Variants in STAG2 observed in about 807,000 individuals in gnomAD.
The protein encoded by STAG2 is STAG2 cohesin complex component.
A neutral mutation model predicts 108.1 loss-of-function variants in STAG2; 14 were observed. The ratio of observed to expected loss-of-function variants is 0.13; its 90% CI spans 0.09 to 0.20. The LOEUF (loss-of-function observed/expected upper bound fraction) is 0.20, where lower values mean the gene tolerates loss of function less well. Among genes scored for constraint, STAG2 ranks in the 10% least tolerant of loss-of-function variants. The pLI, the probability that STAG2 is intolerant of heterozygous loss-of-function variation, is 1.00. For missense variants in STAG2, 440 were observed against 940.9 expected (o/e 0.47, Z 6.96); for synonymous variants, 307 against 302.7 (o/e 1.01, Z -0.15).
At chrX:124,083,730 C>G (rs766979848) in intron 29 of STAG2, among the ~76,000 whole-genome samples, 181 bp downstream of exon 29, 5 of 112,038 alleles carry the variant, frequency 4.5e-5, no homozygotes, top group African/African-American at 1.6e-4. Context: ...ATGCATAATA[C>G]TCTATTTTAA....
At chrX:124,093,888 A>G (rs1329058480) in intron 32 of STAG2, 130 bp from the exon 33 acceptor site, 1 of 698,371 alleles carries the variant, frequency 1.4e-6, no homozygotes, top group Non-Finnish European at 2.1e-6. Context: ...ATCAATGCCT[A>G]ATCATTCTCC....
chrX:124,015,472 TC>T (rs1350931827), intron 1 of STAG2, among the ~76,000 whole-genome samples: 1 of 106,185 alleles, frequency 9.4e-6, no homozygotes, highest in Non-Finnish European at 1.9e-5. Context: ...GCAACCTCTG[TC>T]CCCCGGGTTC....
At chrX:124,096,902 G>A (rs1318739693) in intron 34 of STAG2, among the ~76,000 whole-genome samples, 1 of 112,417 alleles carries the variant, frequency 8.9e-6, no homozygotes, top group African/African-American at 3.2e-5. Flanking sequence ...CAAGGGGCCG[G>A]GCTCAGTGGC....
intron 34 of STAG2, 101 bp from the exon 35 acceptor site, chrX:124,100,473 T>C (rs1160315985): frequency 6.9e-6 from 5 of 723,097 alleles, no homozygotes; most frequent in South Asian, 5.2e-5. Flanking sequence ...TTTATTAGCA[T>C]GTTATTTAAC....
chrX:124,066,491 A>G (rs773434283), intron 23 of STAG2, 55 bp downstream of exon 23: 1 of 877,389 alleles, frequency 1.1e-6, no homozygotes. Context: ...AACTGTTTTC[A>G]GCAAACTCAC....
chrX:124,095,308 C>T (rs2148509668), intron 33 of STAG2, 64 bp from the exon 34 acceptor site: 1 of 887,117 alleles, frequency 1.1e-6, no homozygotes, highest in Non-Finnish European at 1.7e-6. Flanking sequence ...TGGATATTTT[C>T]AGTTACTATC....
At chrX:123,985,667 C>T (rs1323846400) in intron 1 of STAG2, among the ~76,000 whole-genome samples, 1 of 110,014 alleles carries the variant, frequency 9.1e-6, no homozygotes, top group African/African-American at 3.3e-5. Context: ...AACTCCTGGG[C>T]TCCAGTAATC....
In STAG2 at chrX:124,086,162, A is replaced by AC. The variant is rs199601832; in HGVS notation, c.3054-385_3054-384insC. Among the ~76,000 whole-genome samples, 408 of 110,551 alleles carry AC rather than the reference A, an allele frequency of 3.7e-3. 1 individual carries two copies. Among genetic ancestry groups the AC allele is most frequent in the African/African-American group, 0.012 (377 of 30,453 alleles). Reference sequence around the variant, plus strand: ...AATAGTTAAGGAACCTGAGGAAAAAAAAAATATCTAGCACATAGTCGTCAC... The same window carrying AC: ...AATAGTTAAGGAACCTGAGGAAAAAACAAAATATCTAGCACATAGTCGTCAC... On this transcript the variant is annotated intron_variant, in intron 29 of 34. Coordinates refer to ENST00000371145, the MANE Select transcript of STAG2 (RefSeq NM_001042750.2).
At chrX:124,000,216 C>G (rs1446210890) in intron 1 of STAG2, among the ~76,000 whole-genome samples, 1 of 111,471 alleles carries the variant, frequency 9.0e-6, no homozygotes, top group Non-Finnish European at 1.9e-5. Context: ...CAGTGCATTT[C>G]TCATGTGTTT....
At chrX:124,031,243 A>G (rs1208220822) in intron 5 of STAG2, 118 bp downstream of exon 5, 1 of 736,514 alleles carries the variant, frequency 1.4e-6, no homozygotes, top group Non-Finnish European at 1.8e-6. Flanking sequence ...TATTAGAAAA[A>G]AGCAACAAAA....
chrX:123,968,155 T>G (rs1231524945), intron 1 of STAG2, among the ~76,000 whole-genome samples: 3 of 111,548 alleles, frequency 2.7e-5, no homozygotes, highest in African/African-American at 9.8e-5. Context: ...TGCCTCAGCC[T>G]CCCCAAGTGC....
chrX:124,003,576 C>A (rs1338983677), intron 1 of STAG2: 1 of 109,836 alleles, frequency 9.1e-6, no homozygotes, highest in Non-Finnish European at 1.9e-5. Flanking sequence ...CGCCTGCCAC[C>A]ACGCCCGGCA....
chrX:124,055,904 T>G (rs2148264544), intron 13 of STAG2, among the ~76,000 whole-genome samples: 1 of 112,308 alleles, frequency 8.9e-6, no homozygotes, highest in South Asian at 3.6e-4. Flanking sequence ...TTTTAAACGT[T>G]TATTTGTTTA....
At chrX:124,071,422 T>A in intron 25 of STAG2, 99 bp downstream of exon 25, 1 of 696,089 alleles carries the variant, frequency 1.4e-6, no homozygotes, top group Non-Finnish European at 2.0e-6. Context: ...TATTTTATCC[T>A]TAAAAACGTG....
At position 123,969,121 on chromosome X, in the gene STAG2, TTGC is replaced by T. The variant is rs781318667; in HGVS notation, c.-163+7269_-163+7271del. Among the ~76,000 whole-genome samples the T allele has an allele frequency of 5.4e-3, 608 of 112,191 alleles. 2 individuals are homozygous for T. Among genetic ancestry groups the T allele is most frequent in the Non-Finnish European group, 9.0e-3 (481 of 53,257 alleles). Reference sequence around the variant, plus strand: ...AGATTTTTACCCAGAGTCAGATAAGTTGCTGCCTGAGGTCTATATTGTCTTTTA... The same window carrying T: ...AGATTTTTACCCAGAGTCAGATAAGTTGCCTGAGGTCTATATTGTCTTTTA... On this transcript the variant is annotated intron_variant, in intron 1 of 34. Coordinates refer to ENST00000371145, the MANE Select transcript of STAG2 (RefSeq NM_001042750.2).
chrX:124,066,356 A>G lies in STAG2; in HGVS notation c.2185A>G (p.Ile729Val). Residue 729 changes from isoleucine (I) to valine (V), a missense_variant and splice_region_variant, in exon 23 of 35, where the codon ATT becomes GTT. By Grantham distance (29) the Ile-to-Val change is conservative (BLOSUM62 3). Coordinates refer to ENST00000371145, the MANE Select transcript of STAG2 (RefSeq NM_001042750.2). ...GIENGDMPEQIVIHALQCTHY... is the reference protein window; with the variant it reads ...GIENGDMPEQVVIHALQCTHY... ...CTGTATCCTTTGATTCTTTTTACAG[A>G]TTGTTATTCACGCACTGCAGTGTAC... The G allele has an allele frequency of 8.3e-7, 1 of 1,201,890 alleles. No homozygotes were observed. The highest frequency in any genetic ancestry group is 1.1e-6 in the Non-Finnish European group (1 of 889,359).
In STAG2 at chrX:124,037,552, C is replaced by A; in HGVS notation, c.314C>A (p.Ser105Ter). ...MQSVVDDWIE[S>*]YKHDRDIALL... ...TCGGTGGTAGATGATTGGATAGAATCATACAAGCATGACCGAGATATAGCA... is the reference window on the plus strand; with the variant it reads ...TCGGTGGTAGATGATTGGATAGAATAATACAAGCATGACCGAGATATAGCA... The change falls in exon 6 of 35, where the codon TCA becomes TAA. Residue 105 changes from serine (S) to a stop codon, truncating the protein, a stop_gained. Coordinates refer to ENST00000371145, the MANE Select transcript of STAG2 (RefSeq NM_001042750.2). LOFTEE classifies it high-confidence loss of function. 1.7e-6 allele frequency: 2 copies of A among 1,186,159 alleles called. No homozygotes were observed. The highest frequency in any genetic ancestry group is 3.7e-5 in the South Asian group (2 of 54,561).
At chrX:124,028,006 A>G (rs777144651) in intron 4 of STAG2, among the ~76,000 whole-genome samples, 13 of 111,581 alleles carry the variant, frequency 1.2e-4, no homozygotes, top group South Asian at 3.8e-4. Context: ...GACAGGGACT[A>G]TTGAGGCATT....
rs1331202920 is a variant in STAG2 at position 124,101,983 on chromosome X, A to G, written c.*1386A>G. The G allele has an allele frequency of 1.3e-5, 2 of 159,705 alleles. No homozygotes were observed. Among genetic ancestry groups the G allele is most frequent in the Admixed American group, 8.3e-5 (1 of 12,050 alleles). 13.2% of individuals were successfully genotyped at this position (159,705 alleles called of 1,213,427 possible). On this transcript the variant is annotated 3_prime_UTR_variant, in exon 35 of 35. Coordinates refer to ENST00000371145, the MANE Select transcript of STAG2 (RefSeq NM_001042750.2). ...AGTCGTCTCTCAGTTCTTGAGGTAT[A>G]TTATTTTAATCATTCCATGCCTTAA...
Sources: allele counts gnomAD v4.1 joint callset (sites outside exome capture counted in the v4.1 genomes callset), GRCh38; gene constraint gnomAD v4.1.1; transcripts MANE v1.5; gene names NCBI Gene and HGNC (gene_info 2026-07-23, HGNC 2026-07-21).